ADAMTS6: variants seen among roughly 807,000 people sequenced by gnomAD.
The protein encoded by ADAMTS6 is ADAM metallopeptidase with thrombospondin type 1 motif 6.
In ADAMTS6, 23 loss-of-function variants were observed where a neutral mutation model predicts 144.3. That is an observed-to-expected ratio of 0.16 (90% CI 0.11 to 0.23). The LOEUF is 0.23. Ranked by LOEUF, ADAMTS6 falls within the 10% of genes least tolerant of loss-of-function variation. The pLI is 1.00. For missense variants in ADAMTS6, 999 were observed against 1,379.6 expected (o/e 0.72, Z 4.37); for synonymous variants, 444 against 457.5 (o/e 0.97, Z 0.38).
intron 12 of ADAMTS6, among the ~76,000 whole-genome samples, chr5:65,268,463 A>G (rs1302223250): frequency 6.6e-6 from 1 of 152,188 alleles, no homozygotes; most frequent in Non-Finnish European, 1.5e-5. Flanking sequence ...GCTATTGCTG[A>G]TGCTGTATCC....
intron 9 of ADAMTS6, among the ~76,000 whole-genome samples, chr5:65,325,729 A>C (rs990869294): frequency 6.6e-6 from 1 of 152,104 alleles, no homozygotes; most frequent in African/African-American, 2.4e-5. Flanking sequence ...CCTGGGCTCA[A>C]GCAATCCTCC....
At chr5:65,354,698 T>C (rs1749167083) in intron 7 of ADAMTS6, among the ~76,000 whole-genome samples, 1 of 151,816 alleles carries the variant, frequency 6.6e-6, no homozygotes, top group South Asian at 2.1e-4. Context: ...TTAGGAATAA[T>C]ATCTCTTTTA....
intron 7 of ADAMTS6, among the ~76,000 whole-genome samples, chr5:65,345,942 C>T (rs1247356421): frequency 6.6e-6 from 1 of 151,820 alleles, no homozygotes; most frequent in African/African-American, 2.4e-5. Flanking sequence ...GCCATTCTGG[C>T]ACTCAAAAAC....
chr5:65,347,743 G>T (rs1041423697), intron 7 of ADAMTS6, among the ~76,000 whole-genome samples: 1 of 151,870 alleles, frequency 6.6e-6, no homozygotes, highest in Non-Finnish European at 1.5e-5. Context: ...ATTTTAAACC[G>T]TACATCTCAT....
intron 15 of ADAMTS6, among the ~76,000 whole-genome samples, chr5:65,234,573 A>T (rs530219408): frequency 6.6e-6 from 1 of 152,300 alleles, no homozygotes; most frequent in South Asian, 2.1e-4. Context: ...CACACATGTT[A>T]GGATGGCTAT....
chr5:65,271,043 G>T (rs1762010436), intron 12 of ADAMTS6, among the ~76,000 whole-genome samples: 1 of 151,960 alleles, frequency 6.6e-6, no homozygotes, highest in African/African-American at 2.4e-5. Context: ...AATATATTTT[G>T]CCCCATTTTA....
intron 7 of ADAMTS6, among the ~76,000 whole-genome samples, chr5:65,441,026 C>T (rs1443397815): frequency 1.3e-5 from 2 of 152,044 alleles, no homozygotes; most frequent in Non-Finnish European, 2.9e-5. Context: ...AAATACAGTA[C>T]ATAATAAAGA....
chr5:65,340,482 A>C (rs1300837117), intron 7 of ADAMTS6, among the ~76,000 whole-genome samples: 1 of 152,126 alleles, frequency 6.6e-6, no homozygotes, highest in African/African-American at 2.4e-5. Flanking sequence ...AGACAAAGGA[A>C]TCAAACCTCA....
chr5:65,202,018 C>T (rs1179623306), intron 20 of ADAMTS6, among the ~76,000 whole-genome samples: 2 of 152,178 alleles, frequency 1.3e-5, no homozygotes, highest in East Asian at 3.9e-4. Context: ...GGCTGTTGTG[C>T]CGTGTGATTG....
At chr5:65,403,511 T>G (rs1754122993) in intron 7 of ADAMTS6, among the ~76,000 whole-genome samples, 1 of 152,122 alleles carries the variant, frequency 6.6e-6, no homozygotes, top group African/African-American at 2.4e-5. Flanking sequence ...TTCCCCTATC[T>G]TGTAAGAAGC....
chr5:65,209,696 A>C (rs1756363910), intron 20 of ADAMTS6, among the ~76,000 whole-genome samples: 1 of 152,244 alleles, frequency 6.6e-6, no homozygotes, highest in African/African-American at 2.4e-5. Flanking sequence ...AAACATATGC[A>C]GGAAAATAAC....
At chr5:65,417,959 A>T (rs1755680609) in intron 7 of ADAMTS6, among the ~76,000 whole-genome samples, 1 of 152,222 alleles carries the variant, frequency 6.6e-6, no homozygotes, top group African/African-American at 2.4e-5. Context: ...TCATCACATT[A>T]CCTGGCTTCA....
chr5:65,324,089 G>T (rs1222677901), intron 9 of ADAMTS6, among the ~76,000 whole-genome samples: 1 of 152,140 alleles, frequency 6.6e-6, no homozygotes, highest in Non-Finnish European at 1.5e-5. Flanking sequence ...TCTGATGGTA[G>T]TTTCTTTTGC....
intron 20 of ADAMTS6, among the ~76,000 whole-genome samples, chr5:65,208,617 G>T (rs899452631): frequency 3.9e-5 from 6 of 152,130 alleles, no homozygotes; most frequent in African/African-American, 1.4e-4. Flanking sequence ...CAAATTACTT[G>T]AATTCTACCT....
intron 13 of ADAMTS6, among the ~76,000 whole-genome samples, chr5:65,261,307 T>A (rs943523417): frequency 7.9e-5 from 12 of 152,186 alleles, no homozygotes; most frequent in Non-Finnish European, 1.6e-4. Context: ...AATATTTGAC[T>A]AATATAAGTT....
At chr5:65,454,072 G>A (rs1758981004) in intron 4 of ADAMTS6, among the ~76,000 whole-genome samples, 1 of 152,096 alleles carries the variant, frequency 6.6e-6, no homozygotes. Context: ...GGTTATTGTG[G>A]GAGTGGGTTC....
At chr5:65,417,136 T>C (rs1271846958) in intron 7 of ADAMTS6, among the ~76,000 whole-genome samples, 2 of 152,166 alleles carry the variant, frequency 1.3e-5, no homozygotes, top group Non-Finnish European at 2.9e-5. Flanking sequence ...ACCATATGAT[T>C]ATCTCAATAG....
rs143348150 is a variant in ADAMTS6, at chr5:65,382,067, A to G, written c.1074-47982T>C. On this transcript the variant is annotated intron_variant, in intron 7 of 24. Coordinates refer to ENST00000381055, the MANE Select transcript of ADAMTS6 (RefSeq NM_197941.4). ...ATTTTTCTTAAAAATTATTTCAGCT[A>G]GACTTTTGCTTTTTGGAACACACAC... Among the ~76,000 whole-genome samples the G allele has an allele frequency of 2.9e-3, 436 of 152,366 alleles. 4 individuals are homozygous for G. Among genetic ancestry groups the G allele is most frequent in the African/African-American group, 0.01 (416 of 41,592 alleles).
intron 20 of ADAMTS6, among the ~76,000 whole-genome samples, chr5:65,202,514 G>A (rs1333477383): frequency 6.6e-6 from 1 of 152,188 alleles, no homozygotes; most frequent in East Asian, 1.9e-4. Flanking sequence ...AGACAGTCTT[G>A]ACCTCAATGA....
Sources: gnomAD v4.1 joint callset for allele counts (sites outside exome capture counted in the v4.1 genomes callset) on GRCh38, gnomAD v4.1.1 for gene constraint, MANE v1.5 for transcripts, NCBI Gene and HGNC (gene_info 2026-07-23, HGNC 2026-07-21) for gene names.